LIPE: variants seen among roughly 807,000 people sequenced by gnomAD.
The protein encoded by LIPE is hormone-sensitive lipase.
In LIPE, 66 loss-of-function variants were observed where a neutral mutation model predicts 88.5. That is an observed-to-expected ratio of 0.75 (90% CI 0.61 to 0.91). The LOEUF (loss-of-function observed/expected upper bound fraction) is 0.91, where lower values mean the gene tolerates loss of function less well. Ranked by LOEUF, LIPE falls within the 40% of genes least tolerant of loss-of-function variation. The probability of loss-of-function intolerance (pLI) is 0.00; values close to 1 mark genes in which losing one functional copy is unlikely to be tolerated. For synonymous variants in LIPE, 570 were observed against 617.5 expected (o/e 0.92, Z 1.14); for missense variants, 1,346 against 1,434.7 (o/e 0.94, Z 1.00).
Position 42,414,281 on chromosome 19 carries a change from GGAAA to G in LIPE, c.884-3443_884-3440del, listed in dbSNP as rs1429581821. ...AAGCGAGACTCTGTCAGAAAAGAAA[GGAAA>G]GAAAGAAAGGAAAGGAAGGAAAGAA... is the stretch of plus-strand genomic sequence containing the variant. On this transcript the variant is annotated intron_variant, in intron 1 of 9. Transcript: ENST00000244289. The surrounding 1 kb of genome is among the most constrained non-coding windows in gnomAD (Gnocchi z 4.6). Among the ~76,000 whole-genome samples the G allele has an allele frequency of 1.3e-5, 2 of 151,222 alleles. No homozygotes were observed.
Position 42,408,559 on chromosome 19 carries a change from G to A in LIPE, c.1420-237C>T. On this transcript the variant is annotated intron_variant, in intron 2 of 9. Coordinates refer to ENST00000244289, the MANE Select transcript of LIPE (RefSeq NM_005357.4). This position sits in a 1 kb window ranked among gnomAD's most constrained non-coding sequence, Gnocchi z 4.3. ...AGTATCATGACAAGGAATGACGAAT[G>A]GTTTGGAAAAAAAAAAAGGCAGTAG... The A allele has an allele frequency of 1.7e-5, 9 of 522,344 alleles. No homozygotes were observed. The highest frequency in any genetic ancestry group is 1.7e-5 in the Non-Finnish European group (5 of 289,522). 32.4% of individuals were successfully genotyped at this position (522,344 alleles called of 1,614,324 possible).
rs756558902 is a variant in LIPE at position 42,408,529 on chromosome 19, C to T, written c.1420-207G>A. ...AATGATCAGCAGATAAGCAAAGCCA[C>T]GCGCAGTATCATGACAAGGAATGAC... On this transcript the variant is annotated intron_variant, in intron 2 of 9. Transcript: ENST00000244289. This position sits in a 1 kb window ranked among gnomAD's most constrained non-coding sequence, Gnocchi z 4.3. 133 of 571,122 alleles carry T rather than the reference C, an allele frequency of 2.3e-4. 1 individual carries two copies. Among genetic ancestry groups the T allele is most frequent in the South Asian group, 6.6e-4 (32 of 48,438 alleles). The allele number at this position is 571,122 out of a possible 1,614,324, so 35.4% of individuals were successfully genotyped here.
Position 42,407,638 on chromosome 19 carries a change from T to G in LIPE, c.1810A>C (p.Arg604=), listed in dbSNP as rs754279282. The G allele has an allele frequency of 2.5e-6, 4 of 1,611,154 alleles. No individual in the cohort carries two copies. The highest frequency in any genetic ancestry group is 4.5e-5 in the East Asian group (2 of 44,846). Residue 604 remains arginine (R), a synonymous_variant, in exon 5 of 10, where the codon AGG becomes CGG. Transcript: ENST00000244289. The surrounding 1 kb of genome is among the most constrained non-coding windows in gnomAD (Gnocchi z 5.8). ...AHTGPGPVLV[R]LISYDLREGQ... is the part of the protein sequence containing the mutation. ...TCACGCAGGTCATAGGAGATGAGCC[T>G]GACGAGGACGGGCCCAGGGCCTGTG... is the stretch of plus-strand genomic sequence containing the variant.
At position 42,427,363 on chromosome 19, in the gene LIPE, C is replaced by T; in HGVS notation, c.-214G>A. The T allele has an allele frequency of 1.3e-6, 1 of 784,482 alleles. No homozygotes were observed. Among genetic ancestry groups the T allele is most frequent in the Non-Finnish European group, 1.8e-6 (1 of 550,482 alleles). 48.6% of individuals were successfully genotyped at this position (784,482 alleles called of 1,614,324 possible). ...CCACTAAGTAATGAACTCTGTGCCT[C>T]TTTCTTTGGTGGGAGGATTAGGAAT... On this transcript the variant is annotated 5_prime_UTR_variant, in exon 1 of 10. Coordinates refer to ENST00000244289, the MANE Select transcript of LIPE (RefSeq NM_005357.4).
chr19:42,414,110 C>T lies in LIPE; in HGVS notation c.884-3268G>A, dbSNP rs1298880360. ...TGGCCAACATGCTGAAACCCCGTCT[C>T]TACTAAAAATACAAAAATTAGCGGT... On this transcript the variant is annotated intron_variant, in intron 1 of 9. Transcript: ENST00000244289. This position sits in a 1 kb window ranked among gnomAD's most constrained non-coding sequence, Gnocchi z 4.6. Among the ~76,000 whole-genome samples, 1 of 152,138 alleles carries T rather than the reference C, an allele frequency of 6.6e-6. No individual in the cohort carries two copies. Among genetic ancestry groups the T allele is most frequent in the Non-Finnish European group, 1.5e-5 (1 of 68,026 alleles).
chr19:42,419,534 C>T (rs867468078), intron 1 of LIPE, among the ~76,000 whole-genome samples: 15 of 152,100 alleles, frequency 9.9e-5, no homozygotes, highest in African/African-American at 2.7e-4. Flanking sequence ...CCACTGGGGC[C>T]GTGGGTAAGG....
Position 42,410,742 on chromosome 19 carries a change from C to T in LIPE, c.984G>A (p.Gly328=). 3.7e-6 allele frequency: 6 copies of T among 1,613,808 alleles called. No homozygotes were observed. The highest frequency in any genetic ancestry group is 5.1e-6 in the Non-Finnish European group (6 of 1,179,738). The change falls in exon 2 of 10, where the codon GGG becomes GGA. Residue 328 remains glycine, a synonymous_variant. Coordinates refer to ENST00000244289, the MANE Select transcript of LIPE (RefSeq NM_005357.4). This position sits in a 1 kb window ranked among gnomAD's most constrained non-coding sequence, Gnocchi z 6.1. ...CGCCTGACAGCCGCTGGGCCGTTTCCCCAGGACCCTGGCTCGAGAAGAAGG... is the reference window on the plus strand; with the variant it reads ...CGCCTGACAGCCGCTGGGCCGTTTCTCCAGGACCCTGGCTCGAGAAGAAGG... ...NIAFFSSQGP[G]ETAQRLSGVF...
intron 1 of LIPE, among the ~76,000 whole-genome samples, chr19:42,422,200 G>A (rs956608382): frequency 6.6e-6 from 1 of 152,198 alleles, no homozygotes; most frequent in Non-Finnish European, 1.5e-5. Context: ...TTTGCTGCGT[G>A]CCTGTGCCAA....
At chr19:42,426,099 G>A (rs551368729) in intron 1 of LIPE, among the ~76,000 whole-genome samples, 168 bp downstream of exon 1, 2 of 129,406 alleles carry the variant, frequency 1.5e-5, no homozygotes, top group South Asian at 4.7e-4. Context: ...ACTGCGCCCA[G>A]CCTTTTTTTT....
intron 1 of LIPE, chr19:42,424,736 A>G (rs777496500): frequency 1.2e-5 from 5 of 403,034 alleles, no homozygotes; most frequent in South Asian, 8.8e-5. Context: ...TTCCCCCCAC[A>G]TCAGGGGACT....
chr19:42,407,526 C>G lies in LIPE; in HGVS notation c.1843-58G>C. The G allele has an allele frequency of 6.3e-7, 1 of 1,579,794 alleles. No homozygotes were observed. Among genetic ancestry groups the G allele is most frequent in the Non-Finnish European group, 8.6e-7 (1 of 1,159,102 alleles). On this transcript the variant is annotated intron_variant, in intron 5 of 9. Coordinates refer to ENST00000244289, the MANE Select transcript of LIPE (RefSeq NM_005357.4). The surrounding 1 kb of genome is among the most constrained non-coding windows in gnomAD (Gnocchi z 5.8). The stretch of plus-strand genomic sequence containing the variant: ...TGGGGAGAGCTGGCCAGGGCTGCAC[C>G]CCTCCATGGGGATGCCAAGGTGGGG...
chr19:42,416,101 G>T (rs887698207), intron 1 of LIPE, among the ~76,000 whole-genome samples: 5 of 152,186 alleles, frequency 3.3e-5, no homozygotes, highest in African/African-American at 1.2e-4. Flanking sequence ...CCAGCACTTT[G>T]GGAGGCTGAG....
chr19:42,401,729 A>G lies in LIPE; in HGVS notation c.*83T>C. 2.2e-6 allele frequency: 1 copy of G among 452,840 alleles called. No homozygotes were observed. The highest frequency in any genetic ancestry group is 1.3e-4 in the East Asian group (1 of 7,456). The allele number at this position is 452,840 out of a possible 1,614,324, so 28.1% of individuals were successfully genotyped here. On this transcript the variant is annotated 3_prime_UTR_variant, in exon 10 of 10. Coordinates refer to ENST00000244289, the MANE Select transcript of LIPE (RefSeq NM_005357.4). Reference sequence around the variant, plus strand: ...CCGCCCCCTTGCCACCCCCGACTTAAGTAAGGCACAGCCCGCGTCCCCTTC... The same window carrying G: ...CCGCCCCCTTGCCACCCCCGACTTAGGTAAGGCACAGCCCGCGTCCCCTTC...
At chr19:42,425,149 T>G (rs981561953) in intron 1 of LIPE, 6 of 170,830 alleles carry the variant, frequency 3.5e-5, no homozygotes, top group African/African-American at 1.4e-4. Context: ...CCTGGTAAAC[T>G]GAGAGACTGT....
intron 1 of LIPE, among the ~76,000 whole-genome samples, chr19:42,422,651 G>C (rs888990204): frequency 6.6e-6 from 1 of 152,160 alleles, no homozygotes. Flanking sequence ...TTGTAACTGA[G>C]GACCTGCCCC....
chr19:42,413,415 C>T (rs1194360758), intron 1 of LIPE, among the ~76,000 whole-genome samples: 1 of 152,190 alleles, frequency 6.6e-6, no homozygotes, highest in Admixed American at 6.5e-5. Context: ...CCTGTAATCC[C>T]AGCATTTTGG....
intron 1 of LIPE, chr19:42,424,507 G>C (rs528899428): frequency 1.5e-5 from 7 of 456,218 alleles, no homozygotes; most frequent in African/African-American, 1.0e-4. Context: ...CTCAGCACTG[G>C]GGAGAGCAGG....
chr19:42,426,009 C>T (rs1044915571), intron 1 of LIPE, among the ~76,000 whole-genome samples: 1 of 151,260 alleles, frequency 6.6e-6, no homozygotes, highest in Non-Finnish European at 1.5e-5. Context: ...ACCATCTTGG[C>T]TAGGCTGGTC....
At chr19:42,423,130 A>G (rs1013533626) in intron 1 of LIPE, 8 of 297,072 alleles carry the variant, frequency 2.7e-5, no homozygotes, top group Admixed American at 5.0e-5. Flanking sequence ...CCTTGGTCAC[A>G]CAGCGAATAC....
Sources: gnomAD v4.1 joint callset for allele counts (sites outside exome capture counted in the v4.1 genomes callset) on GRCh38, gnomAD v4.1.1 for gene constraint, Gnocchi (gnomAD v3.1) non-coding constraint, MANE v1.5 for transcripts, NCBI Gene and HGNC (gene_info 2026-07-23, HGNC 2026-07-21) for gene names.